The following ARID1A variants were observed in gnomAD, a reference collection of about 807,000 sequenced individuals.
ARID1A encodes AT-rich interactive domain-containing protein 1A.
ARID1A carries 20 observed loss-of-function variants against 212.6 expected under a neutral mutation model. The ratio of observed to expected loss-of-function variants is 0.09; its 90% CI spans 0.07 to 0.14. The LOEUF is 0.14. Ranked by LOEUF, ARID1A falls within the 10% of genes least tolerant of loss-of-function variation. The pLI is 1.00. For missense variants in ARID1A, 2,587 were observed against 3,059.0 expected (o/e 0.85, Z 3.64); for synonymous variants, 1,376 against 1,222.1 (o/e 1.13, Z -2.63).
chr1:26,761,108 TG>T lies in ARID1A; in HGVS notation c.2161+13del. 6.2e-7 allele frequency: 1 copy of T among 1,613,602 alleles called. No homozygotes were observed. The highest frequency in any genetic ancestry group is 8.5e-7 in the Non-Finnish European group (1 of 1,179,606). On this transcript the variant is annotated intron_variant, in intron 5 of 19. Transcript: ENST00000324856. ...TGCTGCAGTGCCAGGTACCCTCAAG[TG>T]CTGGGCTTTAGGGAGAGGGAAAGGT...
At chr1:26,740,785 T>C (rs961290642) in intron 4 of ARID1A, among the ~76,000 whole-genome samples, 1 of 152,032 alleles carries the variant, frequency 6.6e-6, no homozygotes, top group Middle Eastern at 3.2e-3. Flanking sequence ...TGGCAAGAGG[T>C]ATGGAGTTCT....
intron 4 of ARID1A, among the ~76,000 whole-genome samples, chr1:26,746,660 G>T (rs950546777): frequency 6.6e-6 from 1 of 151,834 alleles, no homozygotes; most frequent in African/African-American, 2.4e-5. Flanking sequence ...TTGGGAGGCC[G>T]AGGTAGGTGG....
At chr1:26,752,289 A>G (rs1217660260) in intron 4 of ARID1A, among the ~76,000 whole-genome samples, 1 of 152,238 alleles carries the variant, frequency 6.6e-6, no homozygotes, top group African/African-American at 2.4e-5. Context: ...CTCTATGCAT[A>G]GGTGGCAGTT....
chr1:26,744,459 A>C (rs767987213), intron 4 of ARID1A, among the ~76,000 whole-genome samples: 1 of 152,114 alleles, frequency 6.6e-6, no homozygotes, highest in Non-Finnish European at 1.5e-5. Context: ...AGTCCTACAG[A>C]GGTCTGGCTG....
At chr1:26,701,590 C>T (rs1287293093) in intron 1 of ARID1A, among the ~76,000 whole-genome samples, 1 of 152,114 alleles carries the variant, frequency 6.6e-6, no homozygotes, top group African/African-American at 2.4e-5. Context: ...TCATTTTCTC[C>T]CTCATCAATA....
chr1:26,743,879 G>A (rs754441117), intron 4 of ARID1A, among the ~76,000 whole-genome samples: 5 of 152,104 alleles, frequency 3.3e-5, no homozygotes, highest in Non-Finnish European at 7.4e-5. Flanking sequence ...AGGAGAGAGG[G>A]CCCACAGTCC....
At chr1:26,743,174 A>G (rs770645674) in intron 4 of ARID1A, among the ~76,000 whole-genome samples, 9 of 152,100 alleles carry the variant, frequency 5.9e-5, no homozygotes, top group African/African-American at 9.7e-5. Context: ...TACCTCTGCA[A>G]CTTCATCTCC....
rs746610677 is a variant in ARID1A at position 26,697,021 on chromosome 1, C to T, written c.618C>T (p.Gly206=). The T allele has an allele frequency of 2.6e-6, 4 of 1,536,278 alleles. No homozygotes were observed. The highest frequency in any genetic ancestry group is 2.1e-5 in the Admixed American group (1 of 48,706). ...CCCAGCAGAACTCTCACGACCACGG[C>T]TTCCCCAACCACCAGTACAACTCCT... is the stretch of plus-strand genomic sequence containing the variant. ...AGPQQNSHDH[G]FPNHQYNSYY... The change falls in exon 1 of 20, where the codon GGC becomes GGT. Residue 206 remains glycine (G), a synonymous_variant. Transcript: ENST00000324856.
chr1:26,749,398 G>T (rs879292607), intron 4 of ARID1A, among the ~76,000 whole-genome samples: 2 of 152,044 alleles, frequency 1.3e-5, no homozygotes, highest in African/African-American at 4.8e-5. Context: ...GGCGGGGAGC[G>T]ACAGGGGAAA....
intron 4 of ARID1A, among the ~76,000 whole-genome samples, chr1:26,740,833 C>T (rs1380545176): frequency 6.6e-6 from 1 of 152,182 alleles, no homozygotes; most frequent in African/African-American, 2.4e-5. Context: ...CCTGCTCCCA[C>T]ATGTGGAACA....
chr1:26,723,090 AAGAC>A (rs2080580980), intron 1 of ARID1A, among the ~76,000 whole-genome samples: 1 of 152,206 alleles, frequency 6.6e-6, no homozygotes, highest in Non-Finnish European at 1.5e-5. Flanking sequence ...GGATATAGAA[AAGAC>A]AGGATAAGGG....
At chr1:26,699,208 C>A (rs1176878786) in intron 1 of ARID1A, among the ~76,000 whole-genome samples, 1 of 152,136 alleles carries the variant, frequency 6.6e-6, no homozygotes, top group Non-Finnish European at 1.5e-5. Flanking sequence ...GAAGATACGA[C>A]CTAGAATGAC....
Position 26,772,840 on chromosome 1 carries a change from G to A in ARID1A, c.3568G>A (p.Ala1190Thr), listed in dbSNP as rs2124106743. The A allele has an allele frequency of 1.2e-6, 2 of 1,614,118 alleles. No individual in the cohort carries two copies. The highest frequency in any genetic ancestry group is 1.7e-6 in the Non-Finnish European group (2 of 1,179,994). Residue 1190 changes from alanine to threonine, a missense_variant, in exon 14 of 20, where the codon GCC becomes ACC. Ala to Thr is a moderately conservative substitution (Grantham distance 58). Transcript: ENST00000324856. ...SRSNSVGIQDAFNDGSDSTFQ... is the reference protein window; with the variant it reads ...SRSNSVGIQDTFNDGSDSTFQ... The stretch of plus-strand genomic sequence containing the variant: ...GAGCAATTCAGTTGGGATCCAGGAT[G>A]CCTTTAATGATGGAAGTGACTCCAC...
In ARID1A at chr1:26,780,651, T is replaced by C. The variant is rs1269115286; in HGVS notation, c.6753T>C (p.Phe2251=). 15 of 1,611,160 alleles carry C rather than the reference T, an allele frequency of 9.3e-6. No homozygotes were observed. The South Asian group carries it at 1.4e-4, about 15-fold the overall frequency. The change falls in exon 20 of 20, where the codon TTT becomes TTC. Residue 2251 remains phenylalanine, a synonymous_variant. Transcript: ENST00000324856. This position sits in a 1 kb window ranked among gnomAD's most constrained non-coding sequence, Gnocchi z 7.2. ...AGGTGGACGAGAACCACTCAGAGTT[T>C]ACTCTGTACGAATCACGGCTGTTGG... is the stretch of plus-strand genomic sequence containing the variant. ...LAKVDENHSE[F]TLYESRLLDI...
intron 2 of ARID1A, 85 bp from the exon 3 acceptor site, chr1:26,731,067 C>G (rs1009635459): frequency 7.3e-7 from 1 of 1,374,440 alleles, no homozygotes; most frequent in Non-Finnish European, 1.0e-6. Context: ...CTATACTCAT[C>G]ATCAGTGCAT....
intron 1 of ARID1A, among the ~76,000 whole-genome samples, chr1:26,719,993 C>G (rs971099023): frequency 2.1e-4 from 31 of 150,310 alleles, no homozygotes; most frequent in African/African-American, 7.6e-4. Flanking sequence ...TGGCTCACAC[C>G]TGTAATCCCA....
rs2124106480 is a variant in ARID1A at position 26,772,815 on chromosome 1, G to A, written c.3543G>A (p.Arg1181=). The change falls in exon 14 of 20, where the codon AGG becomes AGA. Residue 1181 remains arginine (R), a synonymous_variant. Coordinates refer to ENST00000324856, the MANE Select transcript of ARID1A (RefSeq NM_006015.6). ...CTTGGTTTTCCTCACTCTGGAGCAG[G>A]AGCAATTCAGTTGGGATCCAGGATG... ...SQIPPLPGMS[R]SNSVGIQDAF... The A allele has an allele frequency of 6.2e-7, 1 of 1,613,606 alleles. No homozygotes were observed. The highest frequency in any genetic ancestry group is 1.1e-5 in the South Asian group (1 of 91,050).
chr1:26,740,479 A>T (rs1413767824), intron 4 of ARID1A, among the ~76,000 whole-genome samples: 4 of 152,206 alleles, frequency 2.6e-5, no homozygotes, highest in Non-Finnish European at 5.9e-5. Context: ...GGTTAGTTAC[A>T]AAGGGAAAGT....
intron 4 of ARID1A, among the ~76,000 whole-genome samples, chr1:26,752,699 G>A (rs983835603): frequency 1.3e-5 from 2 of 152,180 alleles, no homozygotes; most frequent in Non-Finnish European, 2.9e-5. Flanking sequence ...TCTTCAGCAT[G>A]AGAGCAGCCT....
Sources: gnomAD v4.1 joint callset for allele counts (sites outside exome capture counted in the v4.1 genomes callset) on GRCh38, gnomAD v4.1.1 for gene constraint, Gnocchi (gnomAD v3.1) non-coding constraint, MANE v1.5 for transcripts, NCBI Gene and HGNC (gene_info 2026-07-23, HGNC 2026-07-21) for gene names.